The following DSCAM variants were observed in gnomAD, a reference collection of about 807,000 sequenced individuals.
The protein encoded by DSCAM is DS cell adhesion molecule.
Under a neutral mutation model 217.7 loss-of-function variants are expected in DSCAM, and 47 were observed. The ratio of observed to expected loss-of-function variants is 0.22; its 90% CI spans 0.17 to 0.28. DSCAM has a LOEUF of 0.28. Among genes scored for constraint, DSCAM ranks in the 10% least tolerant of loss-of-function variants. The probability of loss-of-function intolerance (pLI) is 1.00; values close to 1 mark genes in which losing one functional copy is unlikely to be tolerated. For missense variants in DSCAM, 2,080 were observed against 2,618.3 expected (o/e 0.79, Z 4.49); for synonymous variants, 1,056 against 1,015.3 (o/e 1.04, Z -0.76).
At chr21:40,461,766 C>T (rs770488683) in intron 3 of DSCAM, among the ~76,000 whole-genome samples, 9 of 152,076 alleles carry the variant, frequency 5.9e-5, no homozygotes, top group Non-Finnish European at 1.2e-4. Flanking sequence ...TCAGAGCCGG[C>T]GATGCAATGT....
intron 16 of DSCAM, among the ~76,000 whole-genome samples, chr21:40,155,888 G>A (rs1286055631): frequency 6.6e-5 from 10 of 151,740 alleles, no homozygotes; most frequent in Admixed American, 6.6e-5. Flanking sequence ...TCCTTGGAAC[G>A]AAACAGGCCC....
intron 1 of DSCAM, among the ~76,000 whole-genome samples, chr21:40,768,397 T>A (rs1286753656): frequency 2.0e-5 from 3 of 150,634 alleles, no homozygotes; most frequent in Non-Finnish European, 4.4e-5. Context: ...TCCTGCATGC[T>A]AATCCAAGTT....
chr21:40,042,668 C>G lies in DSCAM; in HGVS notation c.5389G>C (p.Ala1797Pro). 1 of 1,429,120 alleles carries G rather than the reference C, an allele frequency of 7.0e-7. No homozygotes were observed. The highest frequency in any genetic ancestry group is 9.3e-7 in the Non-Finnish European group (1 of 1,080,266). The allele number at this position is 1,429,120 out of a possible 1,614,324, so 88.5% of individuals were successfully genotyped here. A position where few individuals can be genotyped will look rare whatever the true frequency, so the allele number is the denominator to read the frequency against. ...TCTGTGGAGACCATGCTGCTTCTTG[C>G]TCGATCTACACCAGGAAAGAGAAAA... ...SVSPSQDTDR[A>P]RSSMVSTESA... The change falls in exon 32 of 33, where the codon GCA (alanine) becomes CCA (proline). Residue 1797 changes from alanine to proline, a missense_variant. Around this residue, in one of 5 missense-constraint regions of DSCAM, gnomAD observed 1,144 missense variants for 1,421.1 expected, o/e 0.81. Transcript: ENST00000400454.
At position 40,338,138 on chromosome 21, in the gene DSCAM, T is replaced by C. The variant is rs76195942; in HGVS notation, c.1746A>G (p.Gln582=). 1.2e-3 allele frequency: 1,966 copies of C among 1,614,172 alleles called. 19 individuals are homozygous for C. The African/African-American group carries it at 0.023, about 19-fold the overall frequency. The change falls in exon 8 of 33, where the codon CAA becomes CAG. Residue 582 remains glutamine (Q), a synonymous_variant. Coordinates refer to ENST00000400454, the MANE Select transcript of DSCAM (RefSeq NM_001389.5). ...EYTCNVLVQP[Q]LSTSQSVHVT... is the part of the protein sequence containing the mutation. ...CGTGGACGCTCTGGCTGGTGGAGAG[T>C]TGTGGTTGAACCAACACGTTGCACG...
intron 11 of DSCAM, among the ~76,000 whole-genome samples, chr21:40,270,071 G>T (rs2073595599): frequency 1.3e-5 from 2 of 152,158 alleles, no homozygotes; most frequent in Admixed American, 1.3e-4. Context: ...TCTTTAGCTG[G>T]TGGAACTTCA....
At chr21:40,430,353 G>T (rs903402260) in intron 3 of DSCAM, among the ~76,000 whole-genome samples, 2 of 152,216 alleles carry the variant, frequency 1.3e-5, no homozygotes, top group Non-Finnish European at 1.5e-5. Flanking sequence ...GCAGTGGGCT[G>T]CGGAAGGCAG....
chr21:40,723,909 G>C (rs2090928569), intron 1 of DSCAM, among the ~76,000 whole-genome samples: 1 of 152,086 alleles, frequency 6.6e-6, no homozygotes, highest in Non-Finnish European at 1.5e-5. Flanking sequence ...CCTGATTTTT[G>C]CCATGGGTTT....
rs900603039 is a variant in DSCAM, at chr21:40,812,955, G to A, written c.43+33664C>T. Among the ~76,000 whole-genome samples, 7 of 152,324 alleles carry A rather than the reference G, an allele frequency of 4.6e-5. No individual in the cohort carries two copies. In the East Asian group the frequency reaches 7.7e-4, roughly 17 times the overall value. On this transcript the variant is annotated intron_variant, in intron 1 of 32. Transcript: ENST00000400454. ...AATTGCCTGCTAAATTCAACAATAC[G>A]TATGTCACTGGTGATCTTGGGGTAA...
chr21:40,147,151 C>T (rs1355481133), intron 16 of DSCAM, among the ~76,000 whole-genome samples: 2 of 152,182 alleles, frequency 1.3e-5, no homozygotes, highest in Non-Finnish European at 2.9e-5. Context: ...CCTAAGACAG[C>T]AAGTTGGATT....
chr21:40,029,895 C>G (rs571495695), intron 32 of DSCAM, among the ~76,000 whole-genome samples: 1 of 152,346 alleles, frequency 6.6e-6, no homozygotes, highest in South Asian at 2.1e-4. Flanking sequence ...TCTTCCTCCT[C>G]TGTTCTGCAC....
chr21:40,522,498 C>A (rs772496029), intron 3 of DSCAM, among the ~76,000 whole-genome samples: 1 of 152,142 alleles, frequency 6.6e-6, no homozygotes, highest in Non-Finnish European at 1.5e-5. Flanking sequence ...CCCTTTAAAA[C>A]AATAAATAAT....
intron 3 of DSCAM, among the ~76,000 whole-genome samples, chr21:40,431,502 C>T (rs1223035624): frequency 6.6e-6 from 1 of 152,094 alleles, no homozygotes; most frequent in African/African-American, 2.4e-5. Flanking sequence ...AAGACGGAGA[C>T]CTTTATGACT....
intron 11 of DSCAM, among the ~76,000 whole-genome samples, chr21:40,191,474 C>T (rs1377917672): frequency 6.6e-6 from 1 of 151,702 alleles, no homozygotes; most frequent in Admixed American, 6.6e-5. Context: ...TGGTTCTGAT[C>T]CCCCCCTTCC....
chr21:40,036,414 A>G (rs1265258204), intron 32 of DSCAM, among the ~76,000 whole-genome samples: 5 of 144,910 alleles, frequency 3.5e-5, no homozygotes, highest in Middle Eastern at 3.5e-3. Context: ...TAGAAAATCT[A>G]GAAGAAATGG....
At chr21:40,518,047 G>A (rs1285225531) in intron 3 of DSCAM, among the ~76,000 whole-genome samples, 1 of 151,776 alleles carries the variant, frequency 6.6e-6, no homozygotes, top group African/African-American at 2.4e-5. Flanking sequence ...TGCAGAGGGT[G>A]GGCACACCTT....
At chr21:40,410,327 C>G (rs945227460) in intron 3 of DSCAM, among the ~76,000 whole-genome samples, 1 of 151,146 alleles carries the variant, frequency 6.6e-6, no homozygotes, top group African/African-American at 2.4e-5. Flanking sequence ...AGAAAAAGAA[C>G]CAGATAAAAA....
At chr21:40,331,557 A>G (rs1021945816) in intron 8 of DSCAM, among the ~76,000 whole-genome samples, 1 of 152,212 alleles carries the variant, frequency 6.6e-6, no homozygotes, top group Non-Finnish European at 1.5e-5. Flanking sequence ...TTTTAACGTC[A>G]AAATGTGCAG....
intron 3 of DSCAM, among the ~76,000 whole-genome samples, chr21:40,510,509 A>G (rs2076250143): frequency 6.6e-6 from 1 of 152,232 alleles, no homozygotes; most frequent in Non-Finnish European, 1.5e-5. Flanking sequence ...GACGATTGAC[A>G]AAGGTTTATT....
At chr21:40,489,447 A>G (rs184067200) in intron 3 of DSCAM, among the ~76,000 whole-genome samples, 1 of 152,280 alleles carries the variant, frequency 6.6e-6, no homozygotes, top group African/African-American at 2.4e-5. Context: ...CTCCGTAATC[A>G]CGTTGGCCAA....
Sources: gnomAD v4.1 joint callset for allele counts (sites outside exome capture counted in the v4.1 genomes callset) on GRCh38, gnomAD v4.1.1 for gene constraint, gnomAD v4.1.1 regional missense constraint, MANE v1.5 for transcripts, NCBI Gene and HGNC (gene_info 2026-07-23, HGNC 2026-07-21) for gene names.